Variants in TSPAN2 observed in about 807,000 individuals in gnomAD.
TSPAN2 encodes the protein tetraspanin-2.
TSPAN2 carries 24 observed loss-of-function variants against 33.3 expected under a neutral mutation model. The ratio of observed to expected loss-of-function variants is 0.72; its 90% confidence interval spans 0.52 to 1.01. The LOEUF is 1.01. TSPAN2 is among the 50% of genes least tolerant of loss of function. The pLI, the probability that TSPAN2 is intolerant of heterozygous loss-of-function variation, is 0.00. For missense variants in TSPAN2, 278 were observed against 281.3 expected (o/e 0.99, Z 0.08); for synonymous variants, 114 against 104.5 (o/e 1.09, Z -0.56).
In TSPAN2 at chr1:115,050,326, G is replaced by T; in HGVS notation, c.*164C>A. On this transcript the variant is annotated 3_prime_UTR_variant, in exon 8 of 8. Coordinates refer to ENST00000369516, the MANE Select transcript of TSPAN2 (RefSeq NM_005725.6). ...TCATAAACAGGCATTCACTCAAGGG[G>T]TAAACCAGTAATGAGCCAAACATAC... 1.5e-6 allele frequency: 1 copy of T among 686,244 alleles called. No individual in the cohort carries two copies. 42.5% of individuals were successfully genotyped at this position (686,244 alleles called of 1,614,324 possible).
At chr1:115,087,111 G>T (rs1648864312) in intron 1 of TSPAN2, among the ~76,000 whole-genome samples, 1 of 151,834 alleles carries the variant, frequency 6.6e-6, no homozygotes, top group Admixed American at 6.6e-5. Flanking sequence ...TAGAGATGAG[G>T]TTTCATCATG....
intron 5 of TSPAN2, chr1:115,058,255 C>T: frequency 6.4e-6 from 1 of 156,790 alleles, no homozygotes; most frequent in Non-Finnish European, 1.4e-5. Context: ...CAGGAATTCA[C>T]AGCTACTTCT....
At chr1:115,059,877 C>T (rs6537852) in intron 4 of TSPAN2, among the ~76,000 whole-genome samples, 1 of 152,302 alleles carries the variant, frequency 6.6e-6, no homozygotes, top group African/African-American at 2.4e-5. Context: ...GTGAAATACA[C>T]CAAACTTAAG....
chr1:115,050,549 C>T lies in TSPAN2; in HGVS notation c.607G>A (p.Gly203Ser), dbSNP rs1381621128. ...GIGIAGLTIF[G>S]MIFSMVLCCA... ...CAGAGGACCATGCTGAATATCATGCCAAAGATCTGAAACAGAAGAAACACT... is the reference window on the plus strand; with the variant it reads ...CAGAGGACCATGCTGAATATCATGCTAAAGATCTGAAACAGAAGAAACACT... The change falls in exon 8 of 8, where the codon GGC (glycine) becomes AGC (serine). Residue 203 changes from glycine to serine, a missense_variant. Gly to Ser is a moderately conservative substitution (Grantham distance 56, BLOSUM62 0). Transcript: ENST00000369516. 1 of 1,613,816 alleles carries T rather than the reference C, an allele frequency of 6.2e-7. No individual in the cohort carries two copies. Among genetic ancestry groups the T allele is most frequent in the East Asian group, 2.2e-5 (1 of 44,850 alleles).
At chr1:115,081,931 T>C (rs563902025) in intron 1 of TSPAN2, among the ~76,000 whole-genome samples, 3 of 152,376 alleles carry the variant, frequency 2.0e-5, no homozygotes, top group Admixed American at 6.5e-5. Context: ...AAATCTTCTA[T>C]ACTAGAAAGT....
intron 1 of TSPAN2, among the ~76,000 whole-genome samples, chr1:115,084,019 T>C (rs1461787146): frequency 2.6e-5 from 4 of 152,220 alleles, no homozygotes; most frequent in Admixed American, 1.3e-4. Context: ...GGAAGTGATC[T>C]CTCCTTTTGA....
intron 7 of TSPAN2, among the ~76,000 whole-genome samples, chr1:115,051,519 A>C (rs760231572): frequency 6.6e-6 from 1 of 152,168 alleles, no homozygotes; most frequent in African/African-American, 2.4e-5. Context: ...AAGAATGCCA[A>C]AGAGTCTTCT....
rs1675205058 is a variant in TSPAN2, at chr1:115,048,165, A to ATGTG, written c.*2321_*2324dup. 1 of 131,782 alleles carries ATGTG rather than the reference A, an allele frequency of 7.6e-6. No homozygotes were observed. The highest frequency in any genetic ancestry group is 2.8e-4 in the South Asian group (1 of 3,616). The allele number at this position is 131,782 out of a possible 1,614,324, so 8.2% of individuals were successfully genotyped here. A position where few individuals can be genotyped will look rare whatever the true frequency, so the allele number is the denominator to read the frequency against. On this transcript the variant is annotated 3_prime_UTR_variant, in exon 8 of 8. Coordinates refer to ENST00000369516, the MANE Select transcript of TSPAN2 (RefSeq NM_005725.6). ...CAGAAATAGCTGAAAATTTATGTAT[A>ATGTG]TGTGTATGTATATATATATATACAC...
rs759140608 is a variant in TSPAN2 at position 115,060,468 on chromosome 1, C to T, written c.341G>A (p.Gly114Glu). 28 of 1,611,534 alleles carry T rather than the reference C, an allele frequency of 1.7e-5. No individual in the cohort carries two copies. In the South Asian group the frequency reaches 2.5e-4, roughly 15 times the overall value. ...ATTATAAGTAATTTTACTTACTACCCCCTTGCCTATAAAAGCAAATACTCC... is the reference window on the plus strand; with the variant it reads ...ATTATAAGTAATTTTACTTACTACCTCCTTGCCTATAAAAGCAAATACTCC... ...TTGVFAFIGK[G>E]VAIRHVQTMY... The change falls in exon 4 of 8, where the codon GGG (glycine) becomes GAG (glutamate). Residue 114 changes from glycine to glutamate, a missense_variant. Coordinates refer to ENST00000369516, the MANE Select transcript of TSPAN2 (RefSeq NM_005725.6).
intron 2 of TSPAN2, among the ~76,000 whole-genome samples, chr1:115,065,120 C>G (rs778810284): frequency 6.6e-6 from 1 of 152,134 alleles, no homozygotes; most frequent in African/African-American, 2.4e-5. Flanking sequence ...TGTGTGGGCC[C>G]GTGACTCAGC....
rs192640000 is a variant in TSPAN2, at chr1:115,054,305, G to A, written c.517-843C>T. Among the ~76,000 whole-genome samples the A allele has an allele frequency of 8.7e-4, 133 of 152,152 alleles. No individual in the cohort carries two copies. In the Middle Eastern group the frequency reaches 0.027, roughly 31 times the overall value. Reference sequence around the variant, plus strand: ...ATATAAAACCCTTACTTCTCTCTTCGTATTTCCTATCACACTTCATTCATT... The same window carrying A: ...ATATAAAACCCTTACTTCTCTCTTCATATTTCCTATCACACTTCATTCATT... On this transcript the variant is annotated intron_variant, in intron 6 of 7. Coordinates refer to ENST00000369516, the MANE Select transcript of TSPAN2 (RefSeq NM_005725.6).
intron 4 of TSPAN2, among the ~76,000 whole-genome samples, chr1:115,059,291 T>C (rs1647566854): frequency 7.0e-6 from 1 of 143,016 alleles, no homozygotes. Flanking sequence ...TAAAAAAAAA[T>C]ACTGCCTTTC....
intron 1 of TSPAN2, among the ~76,000 whole-genome samples, chr1:115,087,289 C>T (rs765642190): frequency 5.9e-4 from 90 of 152,064 alleles, no homozygotes; most frequent in Middle Eastern, 3.4e-3. Context: ...CTTTTGAGAA[C>T]CACTGGTTAA....
chr1:115,086,197 TCA>T (rs1648828690), intron 1 of TSPAN2, among the ~76,000 whole-genome samples: 1 of 152,184 alleles, frequency 6.6e-6, no homozygotes, highest in Non-Finnish European at 1.5e-5. Context: ...GAAGTTGAGG[TCA>T]CATACTTTAT....
intron 1 of TSPAN2, 52 bp downstream of exon 1, chr1:115,089,312 G>GCCC: frequency 7.2e-7 from 1 of 1,389,174 alleles, no homozygotes; most frequent in Non-Finnish European, 9.8e-7. Context: ...CCGGCCCCGC[G>GCCC]CCCGCCACCC....
chr1:115,072,992 C>T lies in TSPAN2; in HGVS notation c.85G>A (p.Val29Ile), dbSNP rs750882884. 123 of 1,614,052 alleles carry T rather than the reference C, an allele frequency of 7.6e-5. No individual in the cohort carries two copies. In the Admixed American group the frequency reaches 1.2e-3, roughly 16 times the overall value. The change falls in exon 2 of 8, where the codon GTC becomes ATC. Residue 29 changes from valine to isoleucine, a missense_variant. Coordinates refer to ENST00000369516, the MANE Select transcript of TSPAN2 (RefSeq NM_005725.6). ...CGAAACCATAGTCCAAAAGCAATGA[C>T]GGCCGATCCAGCCAGCTGGAAGGCA... ...NLLFWLAGSAVIAFGLWFRFG... is the reference protein window; with the variant it reads ...NLLFWLAGSAIIAFGLWFRFG...
Position 115,057,226 on chromosome 1 carries a change from A to G in TSPAN2, c.516+311T>C, listed in dbSNP as rs1647465996. ...TTTTCCTCTCTCCCTCAGCTCCATA[A>G]ATGACACCATCATCTATGTAGGTGG... On this transcript the variant is annotated intron_variant, in intron 6 of 7. Transcript: ENST00000369516. Among the ~76,000 whole-genome samples the G allele has an allele frequency of 1.3e-5, 2 of 152,100 alleles. 1 individual carries two copies. Among genetic ancestry groups the G allele is most frequent in the South Asian group, 4.1e-4 (2 of 4,830 alleles).
At chr1:115,079,757 G>T (rs1648554823) in intron 1 of TSPAN2, among the ~76,000 whole-genome samples, 1 of 152,202 alleles carries the variant, frequency 6.6e-6, no homozygotes, top group South Asian at 2.1e-4. Flanking sequence ...GTCTGGAAAT[G>T]CATGGCAGCT....
At chr1:115,072,143 T>G (rs747531) in intron 2 of TSPAN2, among the ~76,000 whole-genome samples, 50,575 of 151,900 alleles carry the variant, frequency 0.33, 9,048 homozygotes, top group African/African-American at 0.43. Flanking sequence ...AATGCTAGAA[T>G]TAGGTCAACT....
Sources: gnomAD v4.1 joint callset for allele counts (sites outside exome capture counted in the v4.1 genomes callset) on GRCh38, gnomAD v4.1.1 for gene constraint, MANE v1.5 for transcripts, NCBI Gene and HGNC (gene_info 2026-07-23, HGNC 2026-07-21) for gene names.